Variants in WWOX observed in about 807,000 individuals in gnomAD.
WWOX encodes the protein WW domain containing oxidoreductase, also known as WW domain-containing oxidoreductase.
WWOX carries 69 observed loss-of-function variants against 46.2 expected under a neutral mutation model. The observed-to-expected ratio is 1.49, with a 90% CI of 1.23 to 1.82. The LOEUF (loss-of-function observed/expected upper bound fraction) is 1.82, where lower values mean the gene tolerates loss of function less well. WWOX is among the 40% of genes most tolerant of loss of function. The pLI is 0.00. For missense variants in WWOX, 919 were observed against 542.6 expected, an observed-to-expected ratio of 1.69 and a Z score of -6.89; for synonymous variants, 359 against 202.6, an observed-to-expected ratio of 1.77 and a Z score of -6.56.
chr16:78,802,095 G>C (rs2050905444), intron 8 of WWOX, among the ~76,000 whole-genome samples: 2 of 151,956 alleles, frequency 1.3e-5, no homozygotes, highest in Admixed American at 6.6e-5. Flanking sequence ...AAAGTGACAA[G>C]GAATGTGCCT....
intron 8 of WWOX, among the ~76,000 whole-genome samples, chr16:78,972,791 A>C (rs1055278909): frequency 2.6e-5 from 4 of 152,216 alleles, no homozygotes; most frequent in African/African-American, 9.7e-5. Context: ...GGAAACATAA[A>C]AAATGGTTTT....
chr16:78,115,393 T>C (rs2032728008), intron 4 of WWOX, among the ~76,000 whole-genome samples: 2 of 152,196 alleles, frequency 1.3e-5, no homozygotes, highest in Admixed American at 6.5e-5. Flanking sequence ...ACTGTGGCTA[T>C]TTTGGTATTC....
rs147544132 is a variant in WWOX, at chr16:79,191,832, C to T, written c.1057-19776C>T. On this transcript the variant is annotated intron_variant, in intron 8 of 8. Transcript: ENST00000566780. Reference sequence around the variant, plus strand: ...AATCATAGCGTCTAGGGGATATACACTTCTAAGCCCATTCTTCAATGGAGA... The same window carrying T: ...AATCATAGCGTCTAGGGGATATACATTTCTAAGCCCATTCTTCAATGGAGA... Among the ~76,000 whole-genome samples, 266 of 152,300 alleles carry T rather than the reference C, an allele frequency of 1.7e-3. 1 individual carries two copies. Among genetic ancestry groups the T allele is most frequent in the Middle Eastern group, 0.01 (3 of 294 alleles).
intron 8 of WWOX, chr16:79,004,793 C>T (rs1365311644): frequency 6.6e-6 from 1 of 152,202 alleles, no homozygotes; most frequent in Admixed American, 6.5e-5. Context: ...ACTCCATATA[C>T]CTCAAGTAAT....
intron 5 of WWOX, among the ~76,000 whole-genome samples, chr16:78,359,323 TA>T (rs1204860717): frequency 6.6e-6 from 1 of 152,178 alleles, no homozygotes; most frequent in African/African-American, 2.4e-5. Context: ...GCATTTTACA[TA>T]AAAACCTCTA....
intron 8 of WWOX, among the ~76,000 whole-genome samples, chr16:78,894,850 A>C (rs2044667083): frequency 6.6e-6 from 1 of 152,162 alleles, no homozygotes; most frequent in South Asian, 2.1e-4. Context: ...TTATGAGAAA[A>C]ACAGTGACTA....
intron 4 of WWOX, among the ~76,000 whole-genome samples, chr16:78,120,811 G>A (rs2033057632): frequency 6.6e-6 from 1 of 152,098 alleles, no homozygotes; most frequent in African/African-American, 2.4e-5. Flanking sequence ...GTGAATAGAA[G>A]AAAATTACTT....
chr16:78,623,309 A>T (rs545604483), intron 8 of WWOX, among the ~76,000 whole-genome samples: 17 of 152,324 alleles, frequency 1.1e-4, no homozygotes, highest in African/African-American at 3.6e-4. Flanking sequence ...TTTCTTTGGC[A>T]TTTGGCTGCA....
chr16:79,033,672 C>T (rs1021230281), intron 8 of WWOX, among the ~76,000 whole-genome samples: 5 of 152,150 alleles, frequency 3.3e-5, no homozygotes, highest in Admixed American at 6.6e-5. Context: ...TGATTTTCAT[C>T]GTGCAAAACT....
At chr16:79,118,839 C>T (rs1236383532) in intron 8 of WWOX, among the ~76,000 whole-genome samples, 7 of 152,142 alleles carry the variant, frequency 4.6e-5, no homozygotes, top group Non-Finnish European at 1.0e-4. Flanking sequence ...TCATGTTGTT[C>T]TAAATGCTTC....
chr16:79,190,048 T>C (rs1443531661), intron 8 of WWOX, among the ~76,000 whole-genome samples: 1 of 152,160 alleles, frequency 6.6e-6, no homozygotes, highest in African/African-American at 2.4e-5. Flanking sequence ...TTATTATTTT[T>C]TGAGACAGAG....
At chr16:78,866,770 T>A (rs561502245) in intron 8 of WWOX, among the ~76,000 whole-genome samples, 1 of 152,274 alleles carries the variant, frequency 6.6e-6, no homozygotes, top group East Asian at 1.9e-4. Context: ...ATCCAGGGAA[T>A]TGGGGACAGT....
chr16:78,138,239 A>G (rs1293357187), intron 4 of WWOX, among the ~76,000 whole-genome samples: 3 of 150,798 alleles, frequency 2.0e-5, no homozygotes, highest in African/African-American at 4.9e-5. Context: ...CTGTTTAATT[A>G]TTGTGTGTTC....
At chr16:78,402,869 G>A (rs968475803) in intron 6 of WWOX, among the ~76,000 whole-genome samples, 2 of 152,058 alleles carry the variant, frequency 1.3e-5, no homozygotes, top group Non-Finnish European at 2.9e-5. Flanking sequence ...GGTGACAGGG[G>A]GACCACTCCA....
In WWOX at chr16:78,772,945, G is replaced by T. The variant is rs762443211; in HGVS notation, c.1056+340193G>T. 1.1e-4 allele frequency among the ~76,000 whole-genome samples: 16 copies of T among 152,164 alleles called. 1 individual carries two copies. Among genetic ancestry groups the T allele is most frequent in the Admixed American group, 7.9e-4 (12 of 15,284 alleles). Reference sequence around the variant, plus strand: ...GAGGTGGAGGTGGGAGGATTGCTTGGGCCCAGGAGGCTGAGGCTGCAGAAA... The same window carrying T: ...GAGGTGGAGGTGGGAGGATTGCTTGTGCCCAGGAGGCTGAGGCTGCAGAAA... On this transcript the variant is annotated intron_variant, in intron 8 of 8. Transcript: ENST00000566780.
At chr16:78,650,995 G>A (rs1176589985) in intron 8 of WWOX, among the ~76,000 whole-genome samples, 1 of 152,204 alleles carries the variant, frequency 6.6e-6, no homozygotes, top group Non-Finnish European at 1.5e-5. Context: ...GTAAGCTTAG[G>A]ACTGATAGAG....
At chr16:78,633,567 A>G (rs1274369942) in intron 8 of WWOX, among the ~76,000 whole-genome samples, 1 of 152,178 alleles carries the variant, frequency 6.6e-6, no homozygotes, top group Non-Finnish European at 1.5e-5. Context: ...CGGGTTTCTG[A>G]TGAGTACGCT....
At chr16:78,733,497 C>T (rs899377669) in intron 8 of WWOX, among the ~76,000 whole-genome samples, 3 of 151,344 alleles carry the variant, frequency 2.0e-5, no homozygotes, top group African/African-American at 4.9e-5. Flanking sequence ...CCTGTAATCC[C>T]AGCACTCTGG....
At chr16:78,232,569 A>G (rs1401644339) in intron 5 of WWOX, among the ~76,000 whole-genome samples, 2 of 152,180 alleles carry the variant, frequency 1.3e-5, no homozygotes, top group Non-Finnish European at 2.9e-5. Context: ...GTTTCTACAG[A>G]TTTTGGGTCA....
Sources: allele counts gnomAD v4.1 joint callset (sites outside exome capture counted in the v4.1 genomes callset), GRCh38; gene constraint gnomAD v4.1.1; transcripts MANE v1.5; gene names NCBI Gene and HGNC (gene_info 2026-07-23, HGNC 2026-07-21).